LY86: variants seen among roughly 807,000 people sequenced by gnomAD.
LY86 encodes the protein MD-1, RP105-associated.
A neutral mutation model predicts 17.3 loss-of-function variants in LY86; 20 were observed. The ratio of observed to expected loss-of-function variants is 1.15; its 90% CI spans 0.81 to 1.68. LY86 has a LOEUF of 1.68. LY86 is among the 40% of genes most tolerant of loss of function. The pLI is 0.00. For missense variants in LY86, 200 were observed against 191.9 expected, an observed-to-expected ratio of 1.04 and a Z score of -0.25; for synonymous variants, 74 against 70.6, an observed-to-expected ratio of 1.05 and a Z score of -0.24.
intron 1 of LY86, among the ~76,000 whole-genome samples, chr6:6,613,863 A>G (rs1561784460): frequency 6.6e-6 from 1 of 152,214 alleles, no homozygotes; most frequent in Non-Finnish European, 1.5e-5. Context: ...CACTCCTCGA[A>G]CACTTAACCA....
chr6:6,619,593 T>C (rs1761628696), intron 1 of LY86, among the ~76,000 whole-genome samples: 1 of 152,236 alleles, frequency 6.6e-6, no homozygotes, highest in Non-Finnish European at 1.5e-5. Flanking sequence ...TCTACGCCCT[T>C]TCTCCTCCGC....
chr6:6,605,592 A>T (rs999784236), intron 1 of LY86, among the ~76,000 whole-genome samples: 1 of 152,206 alleles, frequency 6.6e-6, no homozygotes, highest in Non-Finnish European at 1.5e-5. Flanking sequence ...CAGCTGTCAT[A>T]GTCTCATGAC....
intron 3 of LY86, among the ~76,000 whole-genome samples, chr6:6,629,860 TA>T (rs1445023417): frequency 6.6e-6 from 1 of 152,232 alleles, no homozygotes; most frequent in Non-Finnish European, 1.5e-5. Context: ...ATTGACTAAG[TA>T]GGTCATTATT....
chr6:6,600,925 G>T (rs1760887976), intron 1 of LY86, among the ~76,000 whole-genome samples: 1 of 152,188 alleles, frequency 6.6e-6, no homozygotes, highest in Non-Finnish European at 1.5e-5. Flanking sequence ...CATTCTTCCA[G>T]GATGAGCAAC....
At chr6:6,615,114 G>A (rs1761522966) in intron 1 of LY86, among the ~76,000 whole-genome samples, 1 of 152,098 alleles carries the variant, frequency 6.6e-6, no homozygotes, top group Admixed American at 6.5e-5. Flanking sequence ...CATATATCAG[G>A]AAATGAGCAA....
chr6:6,608,162 C>T (rs1184395925), intron 1 of LY86, among the ~76,000 whole-genome samples: 2 of 152,148 alleles, frequency 1.3e-5, no homozygotes, highest in Non-Finnish European at 2.9e-5. Flanking sequence ...TGAAGGACCT[C>T]ACCAGTGTAG....
intron 1 of LY86, among the ~76,000 whole-genome samples, chr6:6,614,650 C>T (rs1321424263): frequency 6.6e-6 from 1 of 152,276 alleles, no homozygotes; most frequent in South Asian, 2.1e-4. Context: ...CTCATCTCTT[C>T]AGCTTTGTTC....
At chr6:6,649,293 G>A (rs1762152254) in intron 3 of LY86, among the ~76,000 whole-genome samples, 1 of 152,208 alleles carries the variant, frequency 6.6e-6, no homozygotes, top group African/African-American at 2.4e-5. Context: ...TGACATGCAG[G>A]AATTATGGAA....
intron 3 of LY86, among the ~76,000 whole-genome samples, chr6:6,629,490 G>A (rs1428039813): frequency 6.6e-6 from 1 of 152,242 alleles, no homozygotes; most frequent in East Asian, 1.9e-4. Flanking sequence ...CACATAAAAA[G>A]GCTTGCTCTG....
chr6:6,607,502 AG>A (rs1761216893), intron 1 of LY86, among the ~76,000 whole-genome samples: 1 of 152,230 alleles, frequency 6.6e-6, no homozygotes, highest in African/African-American at 2.4e-5. Flanking sequence ...TAAAAACAAA[AG>A]AAAAAATTAA....
At chr6:6,595,979 A>G (rs1258105139) in intron 1 of LY86, among the ~76,000 whole-genome samples, 1 of 152,164 alleles carries the variant, frequency 6.6e-6, no homozygotes, top group Middle Eastern at 3.2e-3. Flanking sequence ...CAGGCTTCAC[A>G]CTTGCAATCA....
At chr6:6,608,077 C>A (rs770453951) in intron 1 of LY86, among the ~76,000 whole-genome samples, 1 of 152,130 alleles carries the variant, frequency 6.6e-6, no homozygotes, top group East Asian at 1.9e-4. Flanking sequence ...AATGGTGAAA[C>A]ATTGGAAACG....
chr6:6,620,125 G>A (rs948880215), intron 1 of LY86, among the ~76,000 whole-genome samples: 2 of 151,912 alleles, frequency 1.3e-5, no homozygotes, highest in Non-Finnish European at 2.9e-5. Context: ...GTAAAAAACA[G>A]GCACATACAT....
chr6:6,619,835 G>A (rs1486547609), intron 1 of LY86, among the ~76,000 whole-genome samples: 1 of 152,122 alleles, frequency 6.6e-6, no homozygotes, highest in African/African-American at 2.4e-5. Context: ...AACAGAGAGA[G>A]AGAAAGGGAG....
chr6:6,626,495 G>A, intron 3 of LY86, 74 bp downstream of exon 3: 3 of 1,552,162 alleles, frequency 1.9e-6, no homozygotes, highest in Non-Finnish European at 2.6e-6. Flanking sequence ...CTGAGGCCAG[G>A]ACGCCCAGAC....
At chr6:6,597,578 C>A (rs1383710291) in intron 1 of LY86, among the ~76,000 whole-genome samples, 1 of 152,140 alleles carries the variant, frequency 6.6e-6, no homozygotes, top group South Asian at 2.1e-4. Flanking sequence ...CTAGAGACAC[C>A]AAGTGGGCAA....
chr6:6,622,242 G>A (rs758295542), intron 1 of LY86, among the ~76,000 whole-genome samples: 20 of 152,004 alleles, frequency 1.3e-4, no homozygotes, highest in Admixed American at 9.8e-4. Context: ...TCCTTCTCCC[G>A]CCCTTAGTTG....
intron 1 of LY86, among the ~76,000 whole-genome samples, 168 bp from the exon 2 acceptor site, chr6:6,624,758 C>CG (rs544853559): frequency 7.2e-5 from 11 of 152,034 alleles, no homozygotes; most frequent in East Asian, 1.9e-4. Flanking sequence ...TTTGAAGACA[C>CG]GGGGGGGAGC....
intron 3 of LY86, among the ~76,000 whole-genome samples, chr6:6,648,285 T>G (rs1762135904): frequency 6.6e-6 from 1 of 152,182 alleles, no homozygotes; most frequent in Non-Finnish European, 1.5e-5. Context: ...AATTAGCTAT[T>G]TTGACATGAC....
Sources: allele counts gnomAD v4.1 joint callset (sites outside exome capture counted in the v4.1 genomes callset), GRCh38; gene constraint gnomAD v4.1.1; transcripts MANE v1.5; gene names NCBI Gene and HGNC (gene_info 2026-07-23, HGNC 2026-07-21).